The following CDH19 variants were observed in gnomAD, a reference collection of about 807,000 sequenced individuals.
The protein encoded by CDH19 is cadherin 19, also known as cadherin-19.
CDH19 carries 67 observed loss-of-function variants against 64.2 expected under a neutral mutation model. That is an observed-to-expected ratio of 1.04 (90% CI 0.86 to 1.28). CDH19 has a LOEUF of 1.28. CDH19 is among the 50% of genes most tolerant of loss of function. The pLI is 0.00. For missense variants in CDH19, 1,030 were observed against 929.0 expected (o/e 1.11, Z -1.41); for synonymous variants, 346 against 319.3 (o/e 1.08, Z -0.89).
chr18:66,593,012 C>T (rs1445560141), intron 1 of CDH19, among the ~76,000 whole-genome samples: 1 of 151,720 alleles, frequency 6.6e-6, no homozygotes, highest in Non-Finnish European at 1.5e-5. Flanking sequence ...TACTATTTTA[C>T]CTTCTCAGCA....
intron 5 of CDH19, among the ~76,000 whole-genome samples, chr18:66,547,262 GAAAAA>G (rs1987150298): frequency 6.6e-6 from 1 of 152,082 alleles, no homozygotes; most frequent in Non-Finnish European, 1.5e-5. Flanking sequence ...TTAACTCTGA[GAAAAA>G]GAAAAGTAGA....
Position 66,534,998 on chromosome 18 carries a change from C to A in CDH19, c.1324G>T (p.Ala442Ser). 6.9e-7 allele frequency: 1 copy of A among 1,459,330 alleles called. No individual in the cohort carries two copies. The highest frequency in any genetic ancestry group is 9.2e-7 in the Non-Finnish European group (1 of 1,086,146). 90.4% of individuals were successfully genotyped at this position (1,459,330 alleles called of 1,614,324 possible). Residue 442 changes from alanine (A) to serine (S), a missense_variant, in exon 8 of 12, where the codon GCC (alanine) becomes TCC (serine). Physicochemically the swap from Ala to Ser is moderately conservative, Grantham distance 99. Transcript: ENST00000262150. The part of the protein sequence containing the change: ...ISAWYNLSIT[A>S]TEKYNIEQIS... The stretch of plus-strand genomic sequence containing the variant: ...AATGAGTACTTACATTTTTCTGTGG[C>A]TGTAATACTTAGGTTGTACCAAGCA...
chr18:66,514,151 C>T (rs1985626423), intron 9 of CDH19, among the ~76,000 whole-genome samples: 1 of 151,316 alleles, frequency 6.6e-6, no homozygotes, highest in Admixed American at 6.6e-5. Flanking sequence ...AGTAAATTGG[C>T]TGGGCCAGAA....
At chr18:66,539,068 A>G (rs544363778) in intron 7 of CDH19, among the ~76,000 whole-genome samples, 7 of 152,258 alleles carry the variant, frequency 4.6e-5, no homozygotes, top group Admixed American at 1.3e-4. Flanking sequence ...ATTCCTGGGT[A>G]AATGCTTGGA....
intron 10 of CDH19, among the ~76,000 whole-genome samples, chr18:66,511,193 T>C (rs7230022): frequency 0.99 from 149,935 of 151,712 alleles, 74,118 homozygotes; most frequent in Middle Eastern, 1. Flanking sequence ...ATCAAGCTAA[T>C]ATGACTAACT....
intron 1 of CDH19, among the ~76,000 whole-genome samples, chr18:66,594,981 T>G (rs1336713074): frequency 2.0e-5 from 3 of 150,640 alleles, no homozygotes; most frequent in Non-Finnish European, 4.4e-5. Context: ...ATTGTGCACA[T>G]GTACCCTAAA....
chr18:66,516,241 T>A (rs1985731238), intron 9 of CDH19, among the ~76,000 whole-genome samples: 1 of 151,964 alleles, frequency 6.6e-6, no homozygotes, highest in Non-Finnish European at 1.5e-5. Flanking sequence ...GGCAAAGGAC[T>A]GCATTTTAGA....
At chr18:66,543,089 A>T (rs1297772852) in intron 7 of CDH19, among the ~76,000 whole-genome samples, 2 of 152,068 alleles carry the variant, frequency 1.3e-5, no homozygotes, top group East Asian at 3.9e-4. Flanking sequence ...GCAGTGGTGC[A>T]ATCTTGGCTC....
chr18:66,572,027 T>C lies in CDH19; in HGVS notation c.178A>G (p.Ser60Gly), dbSNP rs745449305. The C allele has an allele frequency of 1.2e-6, 2 of 1,609,634 alleles. No homozygotes were observed. The highest frequency in any genetic ancestry group is 1.7e-5 in the Admixed American group (1 of 59,664). ...ATAAGTACCTGGCCGATGTGATGAC[T>C]AGTCGTATTCATTTCCTCTGGTACA... is the stretch of plus-strand genomic sequence containing the variant. ...FFVPEEMNTT[S>G]HHIGQLRSDL... is the part of the protein sequence containing the mutation. Residue 60 changes from serine (S) to glycine (G), a missense_variant, in exon 2 of 12, where the codon AGT becomes GGT. By Grantham distance (56) the Ser-to-Gly change is moderately conservative (BLOSUM62 0). Coordinates refer to ENST00000262150, the MANE Select transcript of CDH19 (RefSeq NM_021153.4).
At chr18:66,557,663 T>A (rs1170391730) in intron 3 of CDH19, among the ~76,000 whole-genome samples, 2 of 151,978 alleles carry the variant, frequency 1.3e-5, no homozygotes, top group Admixed American at 1.3e-4. Flanking sequence ...GTTTTAGAAA[T>A]GCTTACTTTT....
At position 66,544,086 on chromosome 18, in the gene CDH19, G is replaced by A; in HGVS notation, c.1099C>T (p.Pro367Ser). 6.2e-7 allele frequency: 1 copy of A among 1,613,928 alleles called. No homozygotes were observed. The highest frequency in any genetic ancestry group is 1.7e-5 in the Admixed American group (1 of 60,020). ...IKIQVEDVDE[P>S]PLFLLPYYVF... ...TAATATGGAAGGAGGAAAAGAGGAG[G>A]CTCATCAACATCTTCCACCTGGATC... The change falls in exon 7 of 12, where the codon CCT becomes TCT. Residue 367 changes from proline to serine, a missense_variant. By Grantham distance (74) the Pro-to-Ser change is moderately conservative. Transcript: ENST00000262150.
chr18:66,513,992 C>A (rs1367480842), intron 9 of CDH19, among the ~76,000 whole-genome samples: 1 of 151,400 alleles, frequency 6.6e-6, no homozygotes, highest in African/African-American at 2.4e-5. Context: ...AAAGTAACTA[C>A]AATTTAATAA....
At chr18:66,599,066 G>C (rs1277225712) in intron 1 of CDH19, among the ~76,000 whole-genome samples, 1 of 151,672 alleles carries the variant, frequency 6.6e-6, no homozygotes, top group Non-Finnish European at 1.5e-5. Flanking sequence ...TGTATCACTT[G>C]TTTTATATTT....
At chr18:66,521,530 T>TATTTATTTATTTATTTA (rs1168665817) in intron 9 of CDH19, among the ~76,000 whole-genome samples, 4 of 144,482 alleles carry the variant, frequency 2.8e-5, no homozygotes, top group Non-Finnish European at 4.5e-5. Flanking sequence ...TTATTTTGTT[T>TATTTATTTATTTATTTA]GTTTGTTTGT....
At chr18:66,554,270 T>C (rs1182210034) in intron 4 of CDH19, 135 bp downstream of exon 4, 4 of 761,644 alleles carry the variant, frequency 5.3e-6, no homozygotes, top group Non-Finnish European at 8.2e-6. Context: ...AGTAATTAAA[T>C]GCTTAGGAAT....
At chr18:66,509,268 A>T (rs1785948683) in intron 10 of CDH19, 22 bp from the exon 11 acceptor site, 1 of 1,607,168 alleles carries the variant, frequency 6.2e-7, no homozygotes, top group Non-Finnish European at 8.5e-7. Flanking sequence ...ATCCATGTGC[A>T]TAATTTTTTC....
intron 1 of CDH19, among the ~76,000 whole-genome samples, chr18:66,599,078 T>C (rs1235592874): frequency 6.6e-6 from 1 of 152,146 alleles, no homozygotes; most frequent in Admixed American, 6.6e-5. Context: ...TTTATATTTA[T>C]TTTTTATATT....
chr18:66,512,801 G>A (rs1985556577), intron 9 of CDH19, among the ~76,000 whole-genome samples: 1 of 151,454 alleles, frequency 6.6e-6, no homozygotes, highest in African/African-American at 2.4e-5. Flanking sequence ...AGGCTGGGTA[G>A]AGGGCAGGGG....
At chr18:66,597,006 C>T (rs892517319) in intron 1 of CDH19, among the ~76,000 whole-genome samples, 22 of 132,010 alleles carry the variant, frequency 1.7e-4, no homozygotes, top group Middle Eastern at 4.8e-3. Flanking sequence ...GGCGTTAACC[C>T]GGGAGGCGGA....
Sources: allele counts gnomAD v4.1 joint callset (sites outside exome capture counted in the v4.1 genomes callset), GRCh38; gene constraint gnomAD v4.1.1; transcripts MANE v1.5; gene names NCBI Gene and HGNC (gene_info 2026-07-23, HGNC 2026-07-21).